Variants in FAM174A observed in about 807,000 individuals in gnomAD.
FAM174A encodes family with sequence similarity 174 member A.
Under a neutral mutation model 14.3 loss-of-function variants are expected in FAM174A, and 14 were observed. The ratio of observed to expected loss-of-function variants is 0.98; its 90% CI spans 0.65 to 1.53. FAM174A has a LOEUF of 1.53. Ranked by LOEUF, FAM174A falls within the 40% of genes most tolerant of loss-of-function variation. The pLI, the probability that FAM174A is intolerant of heterozygous loss-of-function variation, is 0.00. For missense variants in FAM174A, 241 were observed against 249.6 expected (o/e 0.97, Z 0.23); for synonymous variants, 108 against 111.4 (o/e 0.97, Z 0.19).
intron 2 of FAM174A, among the ~76,000 whole-genome samples, chr5:100,572,861 C>G (rs1196051369): frequency 6.6e-6 from 1 of 152,118 alleles, no homozygotes. Flanking sequence ...AGTTTACAGT[C>G]CCACCAACAG....
chr5:100,579,560 GA>G, intron 2 of FAM174A, among the ~76,000 whole-genome samples: 1 of 152,046 alleles, frequency 6.6e-6, no homozygotes, highest in African/African-American at 2.4e-5. Flanking sequence ...ATGTAGCTGG[GA>G]TTACAGATGC....
intron 1 of FAM174A, among the ~76,000 whole-genome samples, chr5:100,545,853 T>C (rs556916039): frequency 5.4e-4 from 82 of 152,324 alleles, no homozygotes; most frequent in African/African-American, 1.9e-3. Flanking sequence ...CCTTGTGTTA[T>C]CACTTATAAT....
chr5:100,551,961 A>G (rs1170132767), intron 1 of FAM174A, among the ~76,000 whole-genome samples: 3 of 152,184 alleles, frequency 2.0e-5, no homozygotes, highest in African/African-American at 7.2e-5. Context: ...CACATTTTGC[A>G]GTACCGGGGA....
chr5:100,549,363 A>G lies in FAM174A; in HGVS notation c.435-12691A>G, dbSNP rs182938304. ...CAAAGAAATCCATGTCAAGACAAAG[A>G]GGAGATATGACAAGGAAACTATGTG... On this transcript the variant is annotated intron_variant, in intron 1 of 2. Coordinates refer to ENST00000312637, the MANE Select transcript of FAM174A (RefSeq NM_198507.3). 3.2e-3 allele frequency among the ~76,000 whole-genome samples: 480 copies of G among 152,308 alleles called. 1 individual carries two copies. Among genetic ancestry groups the G allele is most frequent in the African/African-American group, 0.011 (455 of 41,596 alleles).
At chr5:100,543,825 C>T (rs987762339) in intron 1 of FAM174A, among the ~76,000 whole-genome samples, 2 of 152,126 alleles carry the variant, frequency 1.3e-5, no homozygotes, top group African/African-American at 4.8e-5. Context: ...TCTTTGCATT[C>T]TTTCTTTATT....
At chr5:100,540,563 C>T (rs1001692101) in intron 1 of FAM174A, among the ~76,000 whole-genome samples, 2 of 152,094 alleles carry the variant, frequency 1.3e-5, no homozygotes, top group Non-Finnish European at 2.9e-5. Context: ...AGTACTAGTT[C>T]GCAAGTAATG....
chr5:100,582,429 G>A (rs1747038925), intron 2 of FAM174A, among the ~76,000 whole-genome samples: 1 of 151,466 alleles, frequency 6.6e-6, no homozygotes, highest in East Asian at 1.9e-4. Context: ...TGTTATTGAT[G>A]ATTATAAAGG....
chr5:100,582,649 AGGCAATAAGAGAGTAAATG>A (rs1413117438), intron 2 of FAM174A, among the ~76,000 whole-genome samples: 1 of 152,188 alleles, frequency 6.6e-6, no homozygotes, highest in Non-Finnish European at 1.5e-5. Context: ...TAAACTAGTT[AGGCAATAAGAGAGTAAATG>A]GGCAAACTTG....
chr5:100,557,405 G>C (rs1164066906), intron 1 of FAM174A, among the ~76,000 whole-genome samples: 1 of 151,916 alleles, frequency 6.6e-6, no homozygotes, highest in Non-Finnish European at 1.5e-5. Context: ...CTCTTTTTTT[G>C]TTGTGTCTCT....
Position 100,536,035 on chromosome 5 carries a change from G to C in FAM174A, c.434+71G>C, listed in dbSNP as rs538347940. Reference sequence around the variant, plus strand: ...CAGGCCGGTGATCTCCAGCAAGGCTGACTTCTGTGACCCTTTCCCCCTTCC... The same window carrying C: ...CAGGCCGGTGATCTCCAGCAAGGCTCACTTCTGTGACCCTTTCCCCCTTCC... On this transcript the variant is annotated intron_variant, in intron 1 of 2. Transcript: ENST00000312637. The C allele has an allele frequency of 2.7e-5, 37 of 1,367,720 alleles. No homozygotes were observed. In the African/African-American group the frequency reaches 4.8e-4, roughly 18 times the overall value. 84.7% of individuals were successfully genotyped at this position (1,367,720 alleles called of 1,614,324 possible).
intron 2 of FAM174A, among the ~76,000 whole-genome samples, chr5:100,564,647 C>T (rs1746601008): frequency 6.6e-6 from 1 of 150,814 alleles, no homozygotes; most frequent in Non-Finnish European, 1.5e-5. Context: ...CTAGACTAAG[C>T]AAAAAAGAAA....
In FAM174A at chr5:100,535,469, C is replaced by T. The variant is rs1471234331; in HGVS notation, c.-62C>T. 5 of 1,582,748 alleles carry T rather than the reference C, an allele frequency of 3.2e-6. No homozygotes were observed. In the African/African-American group the frequency reaches 5.4e-5, roughly 17 times the overall value. On this transcript the variant is annotated 5_prime_UTR_variant, in exon 1 of 3. Transcript: ENST00000312637. ...TCATTCTCCACCGCGCCTATGGTCC[C>T]TCTTGGAGCCAGCGTGGCGGGCCTG...
At chr5:100,539,651 A>C (rs1384223075) in intron 1 of FAM174A, among the ~76,000 whole-genome samples, 1 of 152,192 alleles carries the variant, frequency 6.6e-6, no homozygotes, top group East Asian at 1.9e-4. Context: ...AGGCTGAGCA[A>C]GTTTAAATAA....
intron 2 of FAM174A, among the ~76,000 whole-genome samples, chr5:100,576,441 G>T (rs1746907588): frequency 6.6e-6 from 1 of 152,060 alleles, no homozygotes; most frequent in Admixed American, 6.6e-5. Context: ...TTAACTGGAA[G>T]TTAGGGCCAC....
At chr5:100,561,682 G>A (rs564588017) in intron 1 of FAM174A, among the ~76,000 whole-genome samples, 10 of 151,974 alleles carry the variant, frequency 6.6e-5, no homozygotes, top group African/African-American at 1.7e-4. Context: ...GTAAGAAAGC[G>A]GGGAGGACAT....
rs547111059 is a variant in FAM174A, at chr5:100,552,123, G to A, written c.435-9931G>A. On this transcript the variant is annotated intron_variant, in intron 1 of 2. Coordinates refer to ENST00000312637, the MANE Select transcript of FAM174A (RefSeq NM_198507.3). ...GGGAATAAAGATGAGAATGATGTCA[G>A]ATTGGTCAAAAGAATTTTTACTATG... Among the ~76,000 whole-genome samples the A allele has an allele frequency of 3.9e-3, 599 of 152,238 alleles. 3 individuals carry two copies. Among genetic ancestry groups the A allele is most frequent in the Non-Finnish European group, 4.9e-3 (336 of 68,012 alleles).
intron 1 of FAM174A, among the ~76,000 whole-genome samples, chr5:100,558,548 T>C (rs1278504103): frequency 6.6e-6 from 1 of 152,152 alleles, no homozygotes; most frequent in African/African-American, 2.4e-5. Context: ...TATTAAAGTC[T>C]CCCATTATTA....
At chr5:100,553,056 G>T (rs1010183008) in intron 1 of FAM174A, among the ~76,000 whole-genome samples, 2 of 151,894 alleles carry the variant, frequency 1.3e-5, no homozygotes, top group Non-Finnish European at 2.9e-5. Context: ...GCATATCTTT[G>T]TCTATATCTA....
At chr5:100,561,989 TATAA>T (rs1159815364) in intron 1 of FAM174A, 61 bp from the exon 2 acceptor site, 42 of 874,896 alleles carry the variant, frequency 4.8e-5, no homozygotes, top group Non-Finnish European at 6.2e-5. Context: ...TAATTTATTT[TATAA>T]ATAAATATAA....
Sources: allele counts gnomAD v4.1 joint callset (sites outside exome capture counted in the v4.1 genomes callset), GRCh38; gene constraint gnomAD v4.1.1; transcripts MANE v1.5; gene names NCBI Gene and HGNC (gene_info 2026-07-23, HGNC 2026-07-21).